WDR49: variants seen among roughly 807,000 people sequenced by gnomAD.
The protein encoded by WDR49 is WD repeat domain 49, also known as cilia- and flagella-associated protein 337.
WDR49 carries 107 observed loss-of-function variants against 119.5 expected under a neutral mutation model. That is an observed-to-expected ratio of 0.90 (90% CI 0.77 to 1.05). The LOEUF is 1.05. Ranked by LOEUF, WDR49 falls within the 50% of genes least tolerant of loss-of-function variation. The probability of loss-of-function intolerance (pLI) is 0.00; values close to 1 mark genes in which losing one functional copy is unlikely to be tolerated. For synonymous variants in WDR49, 425 were observed against 418.8 expected, an observed-to-expected ratio of 1.01 and a Z score of -0.18; for missense variants, 1,240 against 1,220.5, an observed-to-expected ratio of 1.02 and a Z score of -0.24.
chr3:167,618,973 A>G (rs762896529), intron 5 of WDR49, among the ~76,000 whole-genome samples: 1 of 152,146 alleles, frequency 6.6e-6, no homozygotes, highest in Admixed American at 6.5e-5. Context: ...GAGCTTCCCC[A>G]TTCTCTTCCT....
intron 13 of WDR49, among the ~76,000 whole-genome samples, chr3:167,529,632 T>C (rs1408013733): frequency 6.6e-6 from 1 of 152,146 alleles, no homozygotes. Flanking sequence ...ACTGGACATA[T>C]ACAATGAAGT....
upstream of WDR49, among the ~76,000 whole-genome samples, chr3:167,656,289 T>C (rs1329139833): frequency 2.6e-5 from 4 of 152,222 alleles, no homozygotes; most frequent in African/African-American, 4.8e-5. Context: ...GGGAACACGA[T>C]TTGTCTTCTT....
At chr3:167,522,799 A>T (rs1164936860) in intron 15 of WDR49, among the ~76,000 whole-genome samples, 2 of 152,214 alleles carry the variant, frequency 1.3e-5, no homozygotes, top group Admixed American at 1.3e-4. Flanking sequence ...ATGTACATTT[A>T]CTAAAAACAA....
chr3:167,506,047 G>A (rs1056012116), intron 16 of WDR49, among the ~76,000 whole-genome samples: 3 of 152,158 alleles, frequency 2.0e-5, no homozygotes, highest in African/African-American at 7.2e-5. Flanking sequence ...ACAGCTACAA[G>A]TTATGTTTCC....
chr3:167,561,430 C>T (rs891184501), intron 8 of WDR49, among the ~76,000 whole-genome samples: 1 of 151,944 alleles, frequency 6.6e-6, no homozygotes, highest in Admixed American at 6.6e-5. Flanking sequence ...CTTTAAAGAG[C>T]ATCACAGGTG....
intron 5 of WDR49, among the ~76,000 whole-genome samples, chr3:167,610,283 C>T (rs1486222594): frequency 2.0e-5 from 3 of 152,188 alleles, no homozygotes; most frequent in Non-Finnish European, 4.4e-5. Flanking sequence ...AATTTCTGAC[C>T]TGCCCTTGTC....
chr3:167,537,174 C>T (rs1317112354), intron 10 of WDR49, among the ~76,000 whole-genome samples, 174 bp from the exon 11 acceptor site: 1 of 152,058 alleles, frequency 6.6e-6, no homozygotes, highest in African/African-American at 2.4e-5. Flanking sequence ...TTTTTATTAC[C>T]TCATTAAATT....
upstream of WDR49, among the ~76,000 whole-genome samples, chr3:167,656,768 T>C (rs1185784213): frequency 6.6e-6 from 1 of 152,192 alleles, no homozygotes; most frequent in African/African-American, 2.4e-5. Flanking sequence ...CACTGTAAAA[T>C]CCATAACTAG....
In WDR49 at chr3:167,626,820, A is replaced by G. The variant is rs1306239485; in HGVS notation, c.606+32T>C. On this transcript the variant is annotated intron_variant, in intron 3 of 18. Transcript: ENST00000682715. ...GCCCCATAAGTTTTCCCTCTTTTAC[A>G]AGCAGTACATTTTTTTATAAAGAGT... 3 of 1,231,122 alleles carry G rather than the reference A, an allele frequency of 2.4e-6. No homozygotes were observed. In the African/African-American group the frequency reaches 4.7e-5, roughly 19 times the overall value. The allele number at this position is 1,231,122 out of a possible 1,614,324, so 76.3% of individuals were successfully genotyped here.
rs374068374 is a variant in WDR49, at chr3:167,531,179, A to C, written c.2154T>G (p.Thr718=). The C allele has an allele frequency of 1.9e-6, 3 of 1,612,110 alleles. No homozygotes were observed. The highest frequency in any genetic ancestry group is 2.5e-6 in the Non-Finnish European group (3 of 1,179,584). Residue 718 remains threonine (T), a synonymous_variant, in exon 13 of 19, where the codon ACT becomes ACG. Coordinates refer to ENST00000682715, the MANE Select transcript of WDR49 (RefSeq NM_001366157.1). ...GTCTCATAACAGCATTTTTGCCCTCAGTGTCAATCTCAAAGTTGCGGACTC... is the reference window on the plus strand; with the variant it reads ...GTCTCATAACAGCATTTTTGCCCTCCGTGTCAATCTCAAAGTTGCGGACTC... The part of the protein sequence containing the change: ...TTGVRNFEID[T]EGKNAVMRLC...
intron 2 of WDR49, among the ~76,000 whole-genome samples, chr3:167,640,320 A>C (rs1475961999): frequency 6.6e-6 from 1 of 151,838 alleles, no homozygotes; most frequent in African/African-American, 2.4e-5. Context: ...ATCAGCATTT[A>C]AACATGATCA....
chr3:167,654,246 T>C (rs564786605), upstream of WDR49, among the ~76,000 whole-genome samples: 1 of 152,294 alleles, frequency 6.6e-6, no homozygotes, highest in African/African-American at 2.4e-5. Context: ...TGGAATTTTA[T>C]GTTTTATACA....
rs562541641 is a variant in WDR49, at chr3:167,605,388, TG to T, written c.959-921del. ...AATTAATGATGTTGAGACTATTCAG[TG>T]TGTCATTTACAGATATCGTCTCTCA... On this transcript the variant is annotated intron_variant, in intron 5 of 18. Coordinates refer to ENST00000682715, the MANE Select transcript of WDR49 (RefSeq NM_001366157.1). Among the ~76,000 whole-genome samples, 49 of 152,232 alleles carry T rather than the reference TG, an allele frequency of 3.2e-4. No individual in the cohort carries two copies. The South Asian group carries it at 0.01, about 32-fold the overall frequency.
intron 18 of WDR49, among the ~76,000 whole-genome samples, chr3:167,487,797 AGAGAAAAG>A (rs1750982020): frequency 6.6e-6 from 1 of 152,258 alleles, no homozygotes; most frequent in African/African-American, 2.4e-5. Context: ...ACTAATCATC[AGAGAAAAG>A]CAAATCAAAA....
intron 8 of WDR49, chr3:167,566,995 G>A: frequency 2.0e-6 from 1 of 509,300 alleles, no homozygotes. Context: ...CAGGAGAGGT[G>A]GGCACACTTG....
upstream of WDR49, among the ~76,000 whole-genome samples, chr3:167,657,298 T>C (rs952671533): frequency 2.0e-5 from 3 of 152,222 alleles, no homozygotes; most frequent in South Asian, 2.1e-4. Context: ...ATTCCTTATA[T>C]TCTTTTTGTC....
intron 2 of WDR49, among the ~76,000 whole-genome samples, chr3:167,638,375 T>C (rs1436799828): frequency 1.3e-5 from 2 of 151,596 alleles, no homozygotes; most frequent in African/African-American, 4.8e-5. Context: ...GATTTTTCTT[T>C]AATGTTCCAT....
At chr3:167,487,547 A>G (rs901684171) in intron 18 of WDR49, among the ~76,000 whole-genome samples, 1 of 152,168 alleles carries the variant, frequency 6.6e-6, no homozygotes, top group Non-Finnish European at 1.5e-5. Flanking sequence ...ATTAAATAAA[A>G]AAGCTTCATC....
In WDR49 at chr3:167,577,444, C is replaced by T. The variant is rs149009067; in HGVS notation, c.1276-1293G>A. Among the ~76,000 whole-genome samples the T allele has an allele frequency of 8.3e-3, 1,268 of 152,194 alleles. 18 individuals carry two copies. The highest frequency in any genetic ancestry group is 0.029 in the African/African-American group (1,210 of 41,534). On this transcript the variant is annotated intron_variant, in intron 7 of 18. Coordinates refer to ENST00000682715, the MANE Select transcript of WDR49 (RefSeq NM_001366157.1). ...TCACCACAGGGCTTTTATCTTAACC[C>T]TATCTCTGTAACCTAGGGTCAGATT...
Sources: allele counts gnomAD v4.1 joint callset (sites outside exome capture counted in the v4.1 genomes callset), GRCh38; gene constraint gnomAD v4.1.1; transcripts MANE v1.5; gene names NCBI Gene and HGNC (gene_info 2026-07-23, HGNC 2026-07-21).